The following PROSER2 variants were observed in gnomAD, a reference collection of about 807,000 sequenced individuals.
The protein encoded by PROSER2 is proline and serine-rich protein 2.
In PROSER2, 18 loss-of-function variants were observed where a neutral mutation model predicts 14.6. The ratio of observed to expected loss-of-function variants is 1.23; its 90% CI spans 0.85 to 1.83. The LOEUF is 1.83. Among genes scored for constraint, PROSER2 ranks in the 40% most tolerant of loss-of-function variants. PROSER2 has a pLI of 0.00. For missense variants in PROSER2, 823 were observed against 629.8 expected (o/e 1.31, Z -3.28); for synonymous variants, 367 against 286.4 (o/e 1.28, Z -2.84).
Position 11,870,474 on chromosome 10 carries a change from C to G in PROSER2, c.*68C>G. On this transcript the variant is annotated 3_prime_UTR_variant, in exon 4 of 4. Transcript: ENST00000277570. ...AAGAGAGGGTGAAAGAGTCGCTGCA[C>G]CCAGGAGCTGTTTGGTCTAAAATGG... The G allele has an allele frequency of 7.8e-7, 1 of 1,275,646 alleles. No homozygotes were observed. 79.0% of individuals were successfully genotyped at this position (1,275,646 alleles called of 1,614,324 possible).
intron 1 of PROSER2, among the ~76,000 whole-genome samples, chr10:11,840,714 C>G (rs967576838): frequency 6.6e-6 from 1 of 151,638 alleles, no homozygotes; most frequent in African/African-American, 2.4e-5. Flanking sequence ...ACCCTGAGGT[C>G]AGGGGTTCGA....
intron 1 of PROSER2, chr10:11,831,830 G>A (rs1397005820): frequency 6.6e-6 from 1 of 152,072 alleles, no homozygotes; most frequent in Non-Finnish European, 1.5e-5. Context: ...TAGGTAAGGC[G>A]ACCTGGTGAA....
intron 1 of PROSER2, among the ~76,000 whole-genome samples, chr10:11,832,959 C>T (rs1041150989): frequency 6.6e-6 from 1 of 152,110 alleles, no homozygotes; most frequent in African/African-American, 2.4e-5. Context: ...TATCCCACCT[C>T]AGCCTCCCGA....
In PROSER2 at chr10:11,838,226, G is replaced by A. The variant is rs146406922; in HGVS notation, c.-81-13771G>A. On this transcript the variant is annotated intron_variant, in intron 1 of 3. Transcript: ENST00000277570. The surrounding 1 kb of genome is among the most constrained non-coding windows in gnomAD (Gnocchi z 4.4). ...CCCCCCAGACTCACCAGTGGCATTC[G>A]GGCCTGGCTATGCATGTAAAATACA... Among the ~76,000 whole-genome samples the A allele has an allele frequency of 8.9e-3, 1,347 of 152,050 alleles. 9 individuals are homozygous for A. The highest frequency in any genetic ancestry group is 0.024 in the Middle Eastern group (7 of 294).
At chr10:11,848,051 G>C (rs1466711905) in intron 1 of PROSER2, among the ~76,000 whole-genome samples, 1 of 152,192 alleles carries the variant, frequency 6.6e-6, no homozygotes, top group Non-Finnish European at 1.5e-5. Context: ...CCCAGAGTCA[G>C]CCATGGTCAT....
At chr10:11,867,378 A>C (rs1424588612) in intron 3 of PROSER2, among the ~76,000 whole-genome samples, 1 of 152,138 alleles carries the variant, frequency 6.6e-6, no homozygotes, top group Non-Finnish European at 1.5e-5. Context: ...GCTTCCAGGT[A>C]ATTATTCTAT....
At chr10:11,833,290 A>G (rs1222967432) in intron 1 of PROSER2, among the ~76,000 whole-genome samples, 2 of 121,602 alleles carry the variant, frequency 1.6e-5, no homozygotes, top group African/African-American at 6.5e-5. Context: ...TCACACCTGT[A>G]GTCCCAACTC....
intron 3 of PROSER2, among the ~76,000 whole-genome samples, chr10:11,867,995 TGTA>T (rs1834389061): frequency 3.9e-5 from 6 of 152,230 alleles, no homozygotes; most frequent in Non-Finnish European, 8.8e-5. Flanking sequence ...TGTGTACACA[TGTA>T]TGTCTTTCAA....
At position 11,846,525 on chromosome 10, in the gene PROSER2, TTTTC is replaced by T. The variant is rs1473708088; in HGVS notation, c.-81-5468_-81-5465del. 3.9e-5 allele frequency among the ~76,000 whole-genome samples: 6 copies of T among 152,212 alleles called. No homozygotes were observed. The East Asian group carries it at 1.2e-3, about 29-fold the overall frequency. On this transcript the variant is annotated intron_variant, in intron 1 of 3. Transcript: ENST00000277570. ...TTCTGTTTATGCCATCTGTCGAGTT[TTTTC>T]TTTGTTATCAATTTTTTCTTCATAA... is the stretch of plus-strand genomic sequence containing the variant.
rs1833767344 is a variant in PROSER2 at position 11,836,817 on chromosome 10, CCT to C, written c.-82+13352_-82+13353del. ...AGAGTCTATAAACCTATACCGAAGT[CCT>C]CTCTTATACACGGTTTTGCTTTCCA... On this transcript the variant is annotated intron_variant, in intron 1 of 3. Transcript: ENST00000277570. The surrounding 1 kb of genome is among the most constrained non-coding windows in gnomAD (Gnocchi z 4.6). Among the ~76,000 whole-genome samples, 1 of 152,166 alleles carries C rather than the reference CCT, an allele frequency of 6.6e-6. No homozygotes were observed. Among genetic ancestry groups the C allele is most frequent in the Non-Finnish European group, 1.5e-5 (1 of 68,040 alleles).
chr10:11,860,926 C>G (rs56876616), intron 2 of PROSER2, among the ~76,000 whole-genome samples: 1 of 151,784 alleles, frequency 6.6e-6, no homozygotes, highest in Non-Finnish European at 1.5e-5. Context: ...GCCAACATGG[C>G]GAAACCCCAT....
At chr10:11,867,108 AC>A (rs1834364174) in intron 3 of PROSER2, among the ~76,000 whole-genome samples, 1 of 151,940 alleles carries the variant, frequency 6.6e-6, no homozygotes, top group Non-Finnish European at 1.5e-5. Context: ...ACTAAAAAAT[AC>A]AAAAAATTAG....
chr10:11,851,072 T>C (rs1834009332), intron 1 of PROSER2: 1 of 152,144 alleles, frequency 6.6e-6, no homozygotes, highest in Non-Finnish European at 1.5e-5. Context: ...AAAAATAAGC[T>C]GGGTGTGGTA....
intron 1 of PROSER2, among the ~76,000 whole-genome samples, chr10:11,832,866 A>G (rs1252186302): frequency 3.3e-5 from 5 of 152,002 alleles, no homozygotes; most frequent in African/African-American, 1.2e-4. Context: ...TTTTTGAGAC[A>G]GGGTGTCACT....
At chr10:11,854,045 C>T (rs765815206) in intron 2 of PROSER2, among the ~76,000 whole-genome samples, 6 of 152,136 alleles carry the variant, frequency 3.9e-5, no homozygotes, top group South Asian at 2.1e-4. Flanking sequence ...AATTAAGTTA[C>T]GTCTACATGG....
chr10:11,845,885 C>T (rs1264483499), intron 1 of PROSER2, among the ~76,000 whole-genome samples: 1 of 152,170 alleles, frequency 6.6e-6, no homozygotes, highest in Admixed American at 6.5e-5. Context: ...GGTGGGGGGA[C>T]CCTCAGACTG....
chr10:11,827,989 C>T (rs1173688498), intron 1 of PROSER2, among the ~76,000 whole-genome samples: 1 of 152,012 alleles, frequency 6.6e-6, no homozygotes, highest in Non-Finnish European at 1.5e-5. Flanking sequence ...ATACATGTCT[C>T]TTTGTGATGT....
intron 3 of PROSER2, among the ~76,000 whole-genome samples, chr10:11,867,028 G>A (rs1435790755): frequency 6.6e-6 from 1 of 152,114 alleles, no homozygotes; most frequent in Non-Finnish European, 1.5e-5. Flanking sequence ...ACTTTGGGAG[G>A]CTGAGGCAGG....
rs879092693 is a variant in PROSER2, at chr10:11,870,269, G to A, written c.1171G>A (p.Gly391Ser). 14 of 1,488,862 alleles carry A rather than the reference G, an allele frequency of 9.4e-6. No individual in the cohort carries two copies. The highest frequency in any genetic ancestry group is 4.4e-5 in the African/African-American group (3 of 68,114). The allele number at this position is 1,488,862 out of a possible 1,614,324, so 92.2% of individuals were successfully genotyped here. A position where few individuals can be genotyped will look rare whatever the true frequency, so the allele number is the denominator to read the frequency against. The change falls in exon 4 of 4, where the codon GGC (glycine) becomes AGC (serine). Residue 391 changes from glycine to serine, a missense_variant. Gly to Ser is a moderately conservative substitution (Grantham distance 56). Transcript: ENST00000277570. ...QSFPGPRQPN[G>S]AQDWRRADSL... ...CTTCCCCGGGCCCCGGCAGCCCAAC[G>A]GCGCCCAGGACTGGCGCCGCGCAGA... is the stretch of plus-strand genomic sequence containing the variant.
Sources: gnomAD v4.1 joint callset for allele counts (sites outside exome capture counted in the v4.1 genomes callset) on GRCh38, gnomAD v4.1.1 for gene constraint, Gnocchi (gnomAD v3.1) non-coding constraint, MANE v1.5 for transcripts, NCBI Gene and HGNC (gene_info 2026-07-23, HGNC 2026-07-21) for gene names.